PTAR1: variants seen among roughly 807,000 people sequenced by gnomAD.
PTAR1 encodes protein prenyltransferase alpha subunit repeat-containing protein 1.
Under a neutral mutation model 45.5 loss-of-function variants are expected in PTAR1, and 17 were observed. That is an observed-to-expected ratio of 0.37 (90% CI 0.26 to 0.56). The LOEUF (loss-of-function observed/expected upper bound fraction) is 0.56. Among genes scored for constraint, PTAR1 ranks in the 20% least tolerant of loss-of-function variants. PTAR1 has a pLI of 0.77. For synonymous variants in PTAR1, 169 were observed against 171.3 expected (o/e 0.99, Z 0.11); for missense variants, 391 against 476.3 (o/e 0.82, Z 1.67).
intron 3 of PTAR1, among the ~76,000 whole-genome samples, chr9:69,738,287 T>G (rs555713867): frequency 6.6e-6 from 1 of 152,342 alleles, no homozygotes; most frequent in East Asian, 1.9e-4. Flanking sequence ...CAACATGACT[T>G]AGCATTGTTG....
At chr9:69,736,505 C>A (rs1342952977) in intron 3 of PTAR1, among the ~76,000 whole-genome samples, 1 of 152,142 alleles carries the variant, frequency 6.6e-6, no homozygotes, top group Non-Finnish European at 1.5e-5. Context: ...TGCAGTGAGC[C>A]AAGATCGCGC....
intron 3 of PTAR1, among the ~76,000 whole-genome samples, chr9:69,740,990 A>G (rs1826021197): frequency 6.6e-6 from 1 of 152,224 alleles, no homozygotes; most frequent in Non-Finnish European, 1.5e-5. Context: ...CACTTCGGAC[A>G]CATCTCAGTT....
At chr9:69,747,346 G>A (rs1826317726) in intron 2 of PTAR1, among the ~76,000 whole-genome samples, 1 of 152,218 alleles carries the variant, frequency 6.6e-6, no homozygotes, top group Non-Finnish European at 1.5e-5. Flanking sequence ...GTGTGTGTAT[G>A]TGTATGCACG....
chr9:69,724,667 G>GTT (rs1825183000), intron 5 of PTAR1, among the ~76,000 whole-genome samples: 1 of 151,444 alleles, frequency 6.6e-6, no homozygotes, highest in African/African-American at 2.5e-5. Context: ...TAGTACTTAT[G>GTT]TATTCCATCA....
At chr9:69,727,000 T>G (rs1165026779) in intron 5 of PTAR1, among the ~76,000 whole-genome samples, 2 of 148,368 alleles carry the variant, frequency 1.3e-5, no homozygotes, top group Non-Finnish European at 3.0e-5. Flanking sequence ...TGAAGAAGTA[T>G]AAATGACAAA....
chr9:69,729,228 G>A (rs1332107220), intron 5 of PTAR1, among the ~76,000 whole-genome samples: 1 of 152,168 alleles, frequency 6.6e-6, no homozygotes, highest in Non-Finnish European at 1.5e-5. Flanking sequence ...GCTGAGGCAG[G>A]AGAATCGCTT....
Position 69,723,375 on chromosome 9 carries a change from T to C in PTAR1, c.898A>G (p.Thr300Ala), listed in dbSNP as rs927579644. 2 of 1,613,950 alleles carry C rather than the reference T, an allele frequency of 1.2e-6. No individual in the cohort carries two copies. Among genetic ancestry groups the C allele is most frequent in the Admixed American group, 1.7e-5 (1 of 60,016 alleles). ...CCTGGGTAGGAATCAATAAGATCAG[T>C]GCTGAATTCAACTTCTTCTTCTAGA... ...HLLEEEVEFS[T>A]DLIDSYPGHE... Residue 300 changes from threonine (T) to alanine (A), a missense_variant, in exon 6 of 8, where the codon ACT becomes GCT. Transcript: ENST00000340434.
rs766820950 is a variant in PTAR1 at position 69,741,853 on chromosome 9, T to C, written c.262A>G (p.Ile88Val). The change falls in exon 3 of 8, where the codon ATA (isoleucine) becomes GTA (valine). Residue 88 changes from isoleucine (I) to valine (V), a missense_variant. Ile to Val is a conservative substitution (Grantham distance 29). Around this residue, in one of 5 missense-constraint regions of PTAR1, gnomAD observed 152 missense variants for 160.0 expected, o/e 0.95. Coordinates refer to ENST00000340434, the MANE Select transcript of PTAR1 (RefSeq NM_001099666.2). ...RKQWLNRDELIDVTCTLLLLN... is the reference protein window; with the variant it reads ...RKQWLNRDELVDVTCTLLLLN... ...AGCAGCAGGGTACATGTGACATCTA[T>C]CAATTCTAAAATAAAGAGAAGTCAT... 7 of 1,586,750 alleles carry C rather than the reference T, an allele frequency of 4.4e-6. No homozygotes were observed. The East Asian group carries it at 1.1e-4, about 26-fold the overall frequency.
chr9:69,755,375 A>G (rs1826727092), intron 1 of PTAR1, among the ~76,000 whole-genome samples: 2 of 152,212 alleles, frequency 1.3e-5, no homozygotes, highest in Non-Finnish European at 2.9e-5. Context: ...TTCACAGTTC[A>G]TGTAACACTG....
intron 4 of PTAR1, among the ~76,000 whole-genome samples, chr9:69,733,821 G>A (rs772561736): frequency 6.6e-6 from 1 of 152,088 alleles, no homozygotes; most frequent in Non-Finnish European, 1.5e-5. Context: ...GTTAATAATA[G>A]CTAACATTTA....
At chr9:69,741,946 A>C in intron 2 of PTAR1, 88 bp from the exon 3 acceptor site, 1 of 783,536 alleles carries the variant, frequency 1.3e-6, no homozygotes, top group Non-Finnish European at 2.2e-6. Context: ...CTTTCTCTCT[A>C]TCACATTATA....
At chr9:69,743,013 G>A (rs756752050) in intron 2 of PTAR1, among the ~76,000 whole-genome samples, 18 of 151,716 alleles carry the variant, frequency 1.2e-4, no homozygotes, top group Admixed American at 7.2e-4. Context: ...TCTATCTAGG[G>A]GCACAGTACT....
At chr9:69,744,865 A>C (rs1826207810) in intron 2 of PTAR1, among the ~76,000 whole-genome samples, 1 of 152,228 alleles carries the variant, frequency 6.6e-6, no homozygotes, top group South Asian at 2.1e-4. Flanking sequence ...ATGAGTAAGC[A>C]CAGTCCCTGG....
chr9:69,723,514 T>C lies in PTAR1; in HGVS notation c.759A>G (p.Ile253Met). 1 of 1,613,856 alleles carries C rather than the reference T, an allele frequency of 6.2e-7. No individual in the cohort carries two copies. The highest frequency in any genetic ancestry group is 8.5e-7 in the Non-Finnish European group (1 of 1,179,782). ...GATTTTGCTCCATCACAGAACTGTC[T>C]ATCACAGTTTGGCTAATCAAAGACT... is the stretch of plus-strand genomic sequence containing the variant. ...LLKSLISQTV[I>M]DSSVMEQNPL... is the part of the protein sequence containing the mutation. Residue 253 changes from isoleucine to methionine, a missense_variant, in exon 6 of 8, where the codon ATA becomes ATG. Physicochemically the swap from Ile to Met is conservative, Grantham distance 10 (BLOSUM62 1). This residue lies in a region of PTAR1 where 181 missense variants were observed against 227.7 expected (regional missense o/e 0.80). Transcript: ENST00000340434.
chr9:69,746,246 C>A (rs1826269843), intron 2 of PTAR1, among the ~76,000 whole-genome samples: 1 of 152,318 alleles, frequency 6.6e-6, no homozygotes, highest in South Asian at 2.1e-4. Flanking sequence ...GAATCTGATC[C>A]TCACAACAAC....
chr9:69,736,902 G>C (rs755516950), intron 3 of PTAR1, among the ~76,000 whole-genome samples: 1 of 152,080 alleles, frequency 6.6e-6, no homozygotes, highest in East Asian at 1.9e-4. Flanking sequence ...TTAATATATG[G>C]ACACTGAAAA....
chr9:69,726,932 T>C (rs1461765799), intron 5 of PTAR1, among the ~76,000 whole-genome samples: 1 of 151,880 alleles, frequency 6.6e-6, no homozygotes, highest in Non-Finnish European at 1.5e-5. Flanking sequence ...TCTTTTTTTT[T>C]TTTTAAAGAT....
chr9:69,741,059 G>A (rs1826023894), intron 3 of PTAR1, among the ~76,000 whole-genome samples: 1 of 152,114 alleles, frequency 6.6e-6, no homozygotes, highest in Non-Finnish European at 1.5e-5. Context: ...TACTGTACTG[G>A]ATTGTGCAAC....
At chr9:69,721,528 T>C (rs1009956653) in intron 6 of PTAR1, among the ~76,000 whole-genome samples, 4 of 152,204 alleles carry the variant, frequency 2.6e-5, no homozygotes, top group Non-Finnish European at 1.5e-5. Flanking sequence ...CAGCAAGGTT[T>C]AAAATGACTC....
Sources: allele counts gnomAD v4.1 joint callset (sites outside exome capture counted in the v4.1 genomes callset), GRCh38; gene constraint gnomAD v4.1.1; regional missense constraint gnomAD v4.1.1; transcripts MANE v1.5; gene names NCBI Gene and HGNC (gene_info 2026-07-23, HGNC 2026-07-21).